Variants in AKT3 observed in about 807,000 individuals in gnomAD.
AKT3 encodes RAC-gamma serine/threonine-protein kinase.
AKT3 carries 15 observed loss-of-function variants against 65.3 expected under a neutral mutation model. The observed-to-expected ratio is 0.23, with a 90% CI of 0.15 to 0.35. AKT3 has a LOEUF of 0.35. Among genes scored for constraint, AKT3 ranks in the 10% least tolerant of loss-of-function variants. The probability of loss-of-function intolerance (pLI) is 1.00; values close to 1 mark genes in which losing one functional copy is unlikely to be tolerated. For synonymous variants in AKT3, 206 were observed against 183.8 expected (o/e 1.12, Z -0.98); for missense variants, 243 against 576.5 (o/e 0.42, Z 5.92).
chr1:243,798,393 A>ATTTTTTTTTTTTTTTTT (rs759264137), intron 2 of AKT3, among the ~76,000 whole-genome samples: 25 of 83,310 alleles, frequency 3.0e-4, no homozygotes, highest in Admixed American at 7.6e-4. Flanking sequence ...CTAATTTTTA[A>ATTTTTTTTTTTTTTTTT]TTTTTTTTTT....
chr1:243,664,794 G>T lies in AKT3; in HGVS notation c.262C>A (p.His88Asn). The change falls in exon 4 of 14, where the codon CAT becomes AAT. Residue 88 changes from histidine (H) to asparagine (N), a missense_variant. Transcript: ENST00000673466. ...TACCTTTCCTCTGGAGTATCTACAT[G>T]AAATGTTCTCTCTATAACAGTAGTC... Reference protein sequence around the residue: ...QWTTVIERTFHVDTPEEREEW... With the variant: ...QWTTVIERTFNVDTPEEREEW... 1 of 1,541,556 alleles carries T rather than the reference G, an allele frequency of 6.5e-7. No individual in the cohort carries two copies. Among genetic ancestry groups the T allele is most frequent in the South Asian group, 1.3e-5 (1 of 77,268 alleles).
chr1:243,601,018 G>T (rs1676963236), intron 8 of AKT3, among the ~76,000 whole-genome samples: 1 of 151,962 alleles, frequency 6.6e-6, no homozygotes, highest in Non-Finnish European at 1.5e-5. Context: ...ATGGGAAACT[G>T]CTTTATACAG....
At chr1:243,844,698 A>G (rs978691193) in intron 1 of AKT3, among the ~76,000 whole-genome samples, 2 of 152,272 alleles carry the variant, frequency 1.3e-5, no homozygotes, top group South Asian at 2.1e-4. Context: ...ACGCTGCACA[A>G]ATTTTTTTAA....
chr1:243,637,861 T>G, intron 5 of AKT3, 119 bp from the exon 6 acceptor site: 1 of 610,706 alleles, frequency 1.6e-6, no homozygotes, highest in South Asian at 3.2e-5. Context: ...TATAAGCACA[T>G]TTAAATGAAA....
At chr1:243,645,845 C>T in intron 5 of AKT3, 48 bp downstream of exon 5, 1 of 1,505,282 alleles carries the variant, frequency 6.6e-7, no homozygotes, top group South Asian at 1.3e-5. Flanking sequence ...TAATATGTTT[C>T]TTCCAGACAA....
intron 13 of AKT3, among the ~76,000 whole-genome samples, chr1:243,511,766 T>A (rs1351862691): frequency 2.0e-5 from 3 of 152,218 alleles, no homozygotes; most frequent in African/African-American, 4.8e-5. Flanking sequence ...TGTATATGAA[T>A]TGACTTGAAG....
chr1:243,715,076 G>A (rs1686420486), intron 2 of AKT3, among the ~76,000 whole-genome samples: 1 of 152,062 alleles, frequency 6.6e-6, no homozygotes, highest in South Asian at 2.1e-4. Context: ...TTGGGGACAT[G>A]AAGAAGCAGA....
chr1:243,745,751 G>A (rs1688440172), intron 2 of AKT3, among the ~76,000 whole-genome samples: 1 of 152,034 alleles, frequency 6.6e-6, no homozygotes, highest in African/African-American at 2.4e-5. Context: ...TGTGTCCCAG[G>A]GAAGTCAAAA....
chr1:243,656,913 T>A (rs1364144487), intron 4 of AKT3, among the ~76,000 whole-genome samples: 1 of 152,178 alleles, frequency 6.6e-6, no homozygotes, highest in African/African-American at 2.4e-5. Flanking sequence ...AGTAAATTAG[T>A]GGTGTATCCA....
At chr1:243,492,395 G>A (rs191222847) in intron 13 of AKT3, among the ~76,000 whole-genome samples, 54 of 124,018 alleles carry the variant, frequency 4.4e-4, no homozygotes, top group African/African-American at 1.6e-3. Flanking sequence ...TCCGCCTCCC[G>A]GCTTCAAGTG....
intron 6 of AKT3, among the ~76,000 whole-genome samples, chr1:243,632,641 C>A (rs1018952147): frequency 6.6e-6 from 1 of 152,198 alleles, no homozygotes; most frequent in Non-Finnish European, 1.5e-5. Context: ...TAGAGCCAGG[C>A]AATGACTTCT....
In AKT3 at chr1:243,504,718, A is replaced by G. The variant is rs1669555121; in HGVS notation, c.*531T>C. On this transcript the variant is annotated 3_prime_UTR_variant, in exon 14 of 14. Transcript: ENST00000673466. ...AATCAATTCCAGCCACAGCTTAGTG[A>G]TATATGCCTACTTCACGCACGGATC... The G allele has an allele frequency of 5.5e-6, 1 of 182,524 alleles. No individual in the cohort carries two copies. The highest frequency in any genetic ancestry group is 6.2e-5 in the Admixed American group (1 of 16,008). 11.3% of individuals were successfully genotyped at this position (182,524 alleles called of 1,614,324 possible). A position where few individuals can be genotyped will look rare whatever the true frequency, so the allele number is the denominator to read the frequency against.
intron 3 of AKT3, among the ~76,000 whole-genome samples, chr1:243,684,076 T>G (rs1021531942): frequency 3.3e-4 from 51 of 152,252 alleles, no homozygotes; most frequent in Middle Eastern, 3.4e-3. Context: ...TTGTCTCTGA[T>G]CCAATGGTGT....
intron 8 of AKT3, among the ~76,000 whole-genome samples, chr1:243,594,650 T>C (rs1186801374): frequency 1.3e-5 from 2 of 152,198 alleles, no homozygotes; most frequent in East Asian, 3.8e-4. Context: ...CAGTCTGCAA[T>C]GCAGTGGTAT....
chr1:243,511,737 C>T (rs1479376906), intron 13 of AKT3, among the ~76,000 whole-genome samples: 2 of 152,170 alleles, frequency 1.3e-5, no homozygotes, highest in East Asian at 1.9e-4. Context: ...GGTATTTCTC[C>T]AAGTGTGAGA....
intron 8 of AKT3, among the ~76,000 whole-genome samples, chr1:243,597,537 T>C (rs1270403039): frequency 6.6e-6 from 1 of 152,208 alleles, no homozygotes; most frequent in Non-Finnish European, 1.5e-5. Context: ...AGGGTCTCAC[T>C]CTGTTGCCAA....
At chr1:243,639,628 G>C (rs1352686917) in intron 5 of AKT3, among the ~76,000 whole-genome samples, 1 of 152,072 alleles carries the variant, frequency 6.6e-6, no homozygotes, top group African/African-American at 2.4e-5. Flanking sequence ...TGACATATCG[G>C]GAAGTTACCC....
intron 4 of AKT3, among the ~76,000 whole-genome samples, chr1:243,658,163 A>G (rs774629193): frequency 2.0e-5 from 3 of 152,174 alleles, no homozygotes; most frequent in Admixed American, 6.5e-5. Flanking sequence ...CAAAACAGAA[A>G]ACTACAGAAT....
At chr1:243,726,182 T>G (rs1359457867) in intron 2 of AKT3, among the ~76,000 whole-genome samples, 1 of 152,196 alleles carries the variant, frequency 6.6e-6, no homozygotes, top group Non-Finnish European at 1.5e-5. Flanking sequence ...GAATTCCAAC[T>G]GGAGGTTAAC....
Sources: allele counts gnomAD v4.1 joint callset (sites outside exome capture counted in the v4.1 genomes callset), GRCh38; gene constraint gnomAD v4.1.1; transcripts MANE v1.5; gene names NCBI Gene and HGNC (gene_info 2026-07-23, HGNC 2026-07-21).